The following ST6GAL1 variants were observed in gnomAD, a reference collection of about 807,000 sequenced individuals.
ST6GAL1 encodes the protein beta-galactoside alpha-2,6-sialyltransferase 1.
Under a neutral mutation model 38.0 loss-of-function variants are expected in ST6GAL1, and 20 were observed. That is an observed-to-expected ratio of 0.53 (90% CI 0.37 to 0.77). ST6GAL1 has a LOEUF of 0.77. ST6GAL1 is among the 30% of genes least tolerant of loss of function. The pLI, the probability that ST6GAL1 is intolerant of heterozygous loss-of-function variation, is 0.00. For synonymous variants in ST6GAL1, 196 were observed against 188.2 expected (o/e 1.04, Z -0.34); for missense variants, 432 against 496.4 (o/e 0.87, Z 1.23).
At chr3:187,067,081 C>CTTTTTTTTTTTTTTTTTTTTTTTTTTTTT (rs763013682) in intron 5 of ST6GAL1, among the ~76,000 whole-genome samples, 1 of 93,036 alleles carries the variant, frequency 1.1e-5, no homozygotes, top group Non-Finnish European at 2.1e-5. Context: ...TTCTTTCTTT[C>CTTTTTTTTTTTTTTTTTTTTTTTTTTTTT]TTTTTTTTTT....
At chr3:186,935,110 T>C (rs1024323777) in intron 1 of ST6GAL1, among the ~76,000 whole-genome samples, 6 of 152,168 alleles carry the variant, frequency 3.9e-5, no homozygotes, top group African/African-American at 1.4e-4. Context: ...ACTCAGGTAC[T>C]AAACCTAGTA....
chr3:186,979,896 T>G (rs564042837), intron 2 of ST6GAL1, among the ~76,000 whole-genome samples: 1 of 152,172 alleles, frequency 6.6e-6, no homozygotes. Flanking sequence ...ATAGCACCAA[T>G]CAGGTCAGTG....
intron 2 of ST6GAL1, among the ~76,000 whole-genome samples, chr3:187,033,418 G>C (rs1296264603): frequency 1.3e-5 from 2 of 151,958 alleles, no homozygotes; most frequent in African/African-American, 4.8e-5. Context: ...CAAAAACAAA[G>C]AATAAAATAA....
intron 2 of ST6GAL1, among the ~76,000 whole-genome samples, chr3:186,990,421 C>T (rs1212263730): frequency 6.6e-6 from 1 of 152,068 alleles, no homozygotes; most frequent in African/African-American, 2.4e-5. Flanking sequence ...GAGAAACTGC[C>T]CAGCAGCACA....
At chr3:186,989,357 G>A (rs1267833040) in intron 2 of ST6GAL1, among the ~76,000 whole-genome samples, 2 of 152,178 alleles carry the variant, frequency 1.3e-5, no homozygotes, top group Non-Finnish European at 2.9e-5. Flanking sequence ...TCAGTCCAAC[G>A]TATAAAAACA....
At chr3:186,978,082 A>T (rs1715577020) in intron 2 of ST6GAL1, among the ~76,000 whole-genome samples, 1 of 152,098 alleles carries the variant, frequency 6.6e-6, no homozygotes, top group Non-Finnish European at 1.5e-5. Context: ...GTGGTGGCGC[A>T]CACCTGTAAT....
intron 2 of ST6GAL1, among the ~76,000 whole-genome samples, chr3:186,997,668 G>A (rs1255863406): frequency 1.3e-5 from 2 of 151,944 alleles, no homozygotes; most frequent in East Asian, 3.9e-4. Context: ...GAGGCGAGAG[G>A]ATCACTTGAG....
At chr3:187,004,782 GGT>G (rs1446999418) in intron 2 of ST6GAL1, among the ~76,000 whole-genome samples, 7 of 152,140 alleles carry the variant, frequency 4.6e-5, no homozygotes, top group African/African-American at 1.7e-4. Flanking sequence ...AAGCTAAATT[GGT>G]GTTTCTTTCC....
intron 2 of ST6GAL1, among the ~76,000 whole-genome samples, chr3:186,991,567 C>A (rs1483270912): frequency 6.6e-6 from 1 of 152,134 alleles, no homozygotes; most frequent in Non-Finnish European, 1.5e-5. Flanking sequence ...TGGTTCCTCC[C>A]TGGATGGACT....
intron 2 of ST6GAL1, among the ~76,000 whole-genome samples, chr3:187,004,153 G>A (rs1716707768): frequency 6.6e-6 from 1 of 152,216 alleles, no homozygotes; most frequent in Non-Finnish European, 1.5e-5. Flanking sequence ...GCCATGTGAT[G>A]TGCCTGCTTC....
At chr3:186,983,732 G>T (rs1715769505) in intron 2 of ST6GAL1, among the ~76,000 whole-genome samples, 1 of 152,074 alleles carries the variant, frequency 6.6e-6, no homozygotes, top group African/African-American at 2.4e-5. Flanking sequence ...GCACTTTTGG[G>T]GATACAGACA....
chr3:187,022,249 G>C (rs982321417), intron 2 of ST6GAL1, among the ~76,000 whole-genome samples: 1 of 151,886 alleles, frequency 6.6e-6, no homozygotes, highest in African/African-American at 2.4e-5. Flanking sequence ...CTTGGTGTTG[G>C]GGTGGGACCC....
At chr3:187,042,395 A>G (rs1232535090) in intron 3 of ST6GAL1, among the ~76,000 whole-genome samples, 1 of 152,146 alleles carries the variant, frequency 6.6e-6, no homozygotes, top group Non-Finnish European at 1.5e-5. Flanking sequence ...GAGGACATAT[A>G]AAGTGTTCAT....
chr3:186,989,524 A>G (rs1579299954), intron 2 of ST6GAL1, among the ~76,000 whole-genome samples: 3 of 152,190 alleles, frequency 2.0e-5, no homozygotes, highest in Admixed American at 2.0e-4. Flanking sequence ...GATGTCCACT[A>G]AGATCTTTTC....
At chr3:187,060,536 G>T (rs544691160) in intron 5 of ST6GAL1, among the ~76,000 whole-genome samples, 25 of 152,318 alleles carry the variant, frequency 1.6e-4, no homozygotes, top group African/African-American at 5.5e-4. Context: ...GAGCAGAGGG[G>T]CTGCAGTAGA....
chr3:187,016,359 C>A (rs182965642), intron 2 of ST6GAL1, among the ~76,000 whole-genome samples: 73 of 152,098 alleles, frequency 4.8e-4, no homozygotes, highest in South Asian at 2.9e-3. Context: ...AATAAGTTTC[C>A]CACACGCAGC....
At chr3:186,992,318 G>C (rs1716199816) in intron 2 of ST6GAL1, among the ~76,000 whole-genome samples, 2 of 152,096 alleles carry the variant, frequency 1.3e-5, no homozygotes, top group Non-Finnish European at 2.9e-5. Flanking sequence ...TGTGAGGAAG[G>C]TGCCTTGCTT....
chr3:186,988,319 G>C (rs1207073712), intron 2 of ST6GAL1, among the ~76,000 whole-genome samples: 3 of 152,110 alleles, frequency 2.0e-5, no homozygotes, highest in African/African-American at 7.2e-5. Context: ...TGGGGATAAT[G>C]CTTCCTCAGC....
At chr3:187,012,679 G>C (rs1377290783) in intron 2 of ST6GAL1, among the ~76,000 whole-genome samples, 2 of 152,232 alleles carry the variant, frequency 1.3e-5, no homozygotes, top group African/African-American at 4.8e-5. Flanking sequence ...CGGGCACAGA[G>C]CCATTTCTCC....
Sources: gnomAD v4.1 joint callset for allele counts (sites outside exome capture counted in the v4.1 genomes callset) on GRCh38, gnomAD v4.1.1 for gene constraint, MANE v1.5 for transcripts, NCBI Gene and HGNC (gene_info 2026-07-23, HGNC 2026-07-21) for gene names.